RABL2B: variants seen among roughly 807,000 people sequenced by gnomAD.
RABL2B encodes the protein rab-like protein 2B.
Under a neutral mutation model 26.7 loss-of-function variants are expected in RABL2B, and 17 were observed. The observed-to-expected ratio is 0.64, with a 90% confidence interval of 0.44 to 0.95. The LOEUF is 0.95. Among genes scored for constraint, RABL2B ranks in the 40% least tolerant of loss-of-function variants. RABL2B has a pLI of 0.00. For synonymous variants in RABL2B, 70 were observed against 103.9 expected, an observed-to-expected ratio of 0.67 and a Z score of 1.99; for missense variants, 170 against 277.2, an observed-to-expected ratio of 0.61 and a Z score of 2.75.
At position 50,768,666 on chromosome 22, in the gene RABL2B, G is replaced by A; in HGVS notation, c.*110C>T. On this transcript the variant is annotated 3_prime_UTR_variant, in exon 9 of 9. Transcript: ENST00000691320. ...GGGAGGCTAATAGGATGGGTGGGTT[G>A]CAGGAGGTAGAAGAGGGGATGGCCT... 1 of 1,491,594 alleles carries A rather than the reference G, an allele frequency of 6.7e-7. No homozygotes were observed. Among genetic ancestry groups the A allele is most frequent in the Non-Finnish European group, 9.0e-7 (1 of 1,116,788 alleles). 92.4% of individuals were successfully genotyped at this position (1,491,594 alleles called of 1,614,324 possible). A position where few individuals can be genotyped will look rare whatever the true frequency, so the allele number is the denominator to read the frequency against.
chr22:50,777,994 C>T lies in RABL2B; in HGVS notation c.108-13G>A. 3 of 1,614,014 alleles carry T rather than the reference C, an allele frequency of 1.9e-6. No homozygotes were observed. The highest frequency in any genetic ancestry group is 1.3e-5 in the African/African-American group (1 of 74,956). ...TCTCTCCATGAGTCTGTAAGCAGAA[C>T]AGGCAAGGTGGTCAGATGGCGTCTC... On this transcript the variant is annotated splice_polypyrimidine_tract_variant and intron_variant, in intron 2 of 8. Transcript: ENST00000691320.
In RABL2B at chr22:50,767,692, C is replaced by T; in HGVS notation, c.*1084G>A. On this transcript the variant is annotated 3_prime_UTR_variant, in exon 9 of 9. Transcript: ENST00000691320. Reference sequence around the variant, plus strand: ...AGTCCTCAGCCTCCCACAGGAGGCACAAGGTCCAAACTATTCCTCAAAAAA... The same window carrying T: ...AGTCCTCAGCCTCCCACAGGAGGCATAAGGTCCAAACTATTCCTCAAAAAA... 2.2e-6 allele frequency: 1 copy of T among 450,852 alleles called. No homozygotes were observed. Among genetic ancestry groups the T allele is most frequent in the African/African-American group, 2.0e-5 (1 of 49,754 alleles). 27.9% of individuals were successfully genotyped at this position (450,852 alleles called of 1,614,324 possible). A position where few individuals can be genotyped will look rare whatever the true frequency, so the allele number is the denominator to read the frequency against.
At chr22:50,780,604 T>C (rs1217007103) in intron 2 of RABL2B, 3 of 458,280 alleles carry the variant, frequency 6.5e-6, no homozygotes, top group Admixed American at 2.5e-5. Context: ...AGTGTTCTCA[T>C]GCACTCACCT....
intron 7 of RABL2B, 72 bp downstream of exon 7, chr22:50,769,383 C>T: frequency 1.9e-6 from 3 of 1,611,754 alleles, no homozygotes; most frequent in Non-Finnish European, 2.5e-6. Flanking sequence ...CTGCAGTAAG[C>T]CCTTCTCTTC....
chr22:50,775,780 A>C lies in RABL2B; in HGVS notation c.289T>G (p.Cys97Gly). The change falls in exon 5 of 9, where the codon TGC becomes GGC. Residue 97 changes from cysteine (C) to glycine (G), a missense_variant. Transcript: ENST00000691320. ...HASYYHKAHA[C>G]IMVFDVQRKV... is the part of the protein sequence containing the mutation. ...TCCCCACCGTCTCGTACCATGATGC[A>C]GGCGTGGGCCTTGTGGTAGTAGGAG... The C allele has an allele frequency of 6.2e-7, 1 of 1,614,152 alleles. No homozygotes were observed. Among genetic ancestry groups the C allele is most frequent in the Non-Finnish European group, 8.5e-7 (1 of 1,180,018 alleles).
chr22:50,771,531 C>T (rs1555918644), intron 5 of RABL2B: 4 of 152,156 alleles, frequency 2.6e-5, no homozygotes, highest in Admixed American at 2.6e-4. Context: ...CCTGCCTAGG[C>T]CTCCCAAAGT....
At chr22:50,771,496 C>CA (rs1555918617) in intron 5 of RABL2B, 1 of 151,958 alleles carries the variant, frequency 6.6e-6, no homozygotes, top group Admixed American at 6.6e-5. Context: ...AGGCTGGTCT[C>CA]AAACTCTTGA....
chr22:50,782,184 A>G lies in RABL2B; in HGVS notation c.107+4T>C. Reference sequence around the variant, plus strand: ...GGTATTTATTCCCTAATCTCCCAACATACTTGGATTTGCCCACTGCGCTGT... The same window carrying G: ...GGTATTTATTCCCTAATCTCCCAACGTACTTGGATTTGCCCACTGCGCTGT... On this transcript the variant is annotated splice_donor_region_variant and intron_variant, in intron 2 of 8. Transcript: ENST00000691320. 1 of 1,512,062 alleles carries G rather than the reference A, an allele frequency of 6.6e-7. No homozygotes were observed. The highest frequency in any genetic ancestry group is 9.0e-7 in the Non-Finnish European group (1 of 1,107,424). 93.7% of individuals were successfully genotyped at this position (1,512,062 alleles called of 1,614,324 possible).
chr22:50,770,884 C>T (rs1175003899), intron 5 of RABL2B, among the ~76,000 whole-genome samples: 9 of 143,926 alleles, frequency 6.3e-5, no homozygotes, highest in South Asian at 4.3e-4. Context: ...CCAAGTAGCA[C>T]GCACGCATTA....
chr22:50,781,400 AAGAGAGAGAG>A (rs3044691), intron 2 of RABL2B, among the ~76,000 whole-genome samples: 2 of 141,824 alleles, frequency 1.4e-5, no homozygotes, highest in East Asian at 2.1e-4. Flanking sequence ...TGTGGTGGGG[AAGAGAGAGAG>A]AGAGAGAGAG....
intron 1 of RABL2B, 137 bp from the exon 2 acceptor site, chr22:50,782,484 T>C: frequency 7.1e-7 from 1 of 1,410,070 alleles, no homozygotes; most frequent in Non-Finnish European, 9.7e-7. Context: ...AGACTTGGAG[T>C]AGCAGAGTAT....
rs1303294415 is a variant in RABL2B, at chr22:50,767,677, C to T, written c.*1099G>A. Reference sequence around the variant, plus strand: ...TAGCTCTCCTCTTGCAGTCCTCAGCCTCCCACAGGAGGCACAAGGTCCAAA... The same window carrying T: ...TAGCTCTCCTCTTGCAGTCCTCAGCTTCCCACAGGAGGCACAAGGTCCAAA... On this transcript the variant is annotated 3_prime_UTR_variant, in exon 9 of 9. Coordinates refer to ENST00000691320, the MANE Select transcript of RABL2B (RefSeq NM_001130919.3). 6.8e-6 allele frequency: 3 copies of T among 443,590 alleles called. No individual in the cohort carries two copies. The highest frequency in any genetic ancestry group is 6.1e-5 in the African/African-American group (3 of 49,214). 27.5% of individuals were successfully genotyped at this position (443,590 alleles called of 1,614,324 possible).
At chr22:50,775,736 C>T (rs2084884894) in intron 5 of RABL2B, 36 bp downstream of exon 5, 1 of 1,613,442 alleles carries the variant, frequency 6.2e-7, no homozygotes, top group Non-Finnish European at 8.5e-7. Context: ...GCCAGACTTG[C>T]CCAGTGCCTT....
At position 50,775,763 on chromosome 22, in the gene RABL2B, G is replaced by A. The variant is rs782438097; in HGVS notation, c.297+9C>T. ...CAGTGCCTTTGTCCACCTCCCCACCGTCTCGTACCATGATGCAGGCGTGGG... is the reference window on the plus strand; with the variant it reads ...CAGTGCCTTTGTCCACCTCCCCACCATCTCGTACCATGATGCAGGCGTGGG... On this transcript the variant is annotated intron_variant, in intron 5 of 8. Coordinates refer to ENST00000691320, the MANE Select transcript of RABL2B (RefSeq NM_001130919.3). 37 of 1,613,926 alleles carry A rather than the reference G, an allele frequency of 2.3e-5. No individual in the cohort carries two copies. The highest frequency in any genetic ancestry group is 1.9e-4 in the African/African-American group (14 of 74,950).
intron 5 of RABL2B, 23 bp from the exon 6 acceptor site, chr22:50,770,039 G>T (rs782276810): frequency 1.2e-6 from 2 of 1,613,702 alleles, no homozygotes; most frequent in African/African-American, 2.7e-5. Context: ...GAGGAAGAAA[G>T]ATAGCTCAGG....
chr22:50,774,536 G>A (rs2084680912), intron 5 of RABL2B, among the ~76,000 whole-genome samples: 1 of 149,160 alleles, frequency 6.7e-6, no homozygotes, highest in Non-Finnish European at 1.5e-5. Flanking sequence ...GCCCCAGGCA[G>A]TTCCAGCCTG....
Position 50,782,214 on chromosome 22 carries a change from C to T in RABL2B, c.81G>A (p.Leu27=), listed in dbSNP as rs1555930139. 4 of 1,560,708 alleles carry T rather than the reference C, an allele frequency of 2.6e-6. No homozygotes were observed. Among genetic ancestry groups the T allele is most frequent in the East Asian group, 2.3e-5 (1 of 44,396 alleles). ...TGGATTTGCCCACTGCGCTGTCTCC[C>T]AGGCAGATGATCTTCACGTTGTCAT... is the stretch of plus-strand genomic sequence containing the variant. ...DADDNVKIIC[L]GDSAVGKSKL... Residue 27 remains leucine, a synonymous_variant, in exon 2 of 9, where the codon CTG becomes CTA. Transcript: ENST00000691320.
chr22:50,767,767 T>G lies in RABL2B; in HGVS notation c.*1009A>C, dbSNP rs1374535748. The G allele has an allele frequency of 6.6e-6, 3 of 454,048 alleles. No individual in the cohort carries two copies. The highest frequency in any genetic ancestry group is 6.0e-5 in the African/African-American group (3 of 49,864). The allele number at this position is 454,048 out of a possible 1,614,324, so 28.1% of individuals were successfully genotyped here. A position where few individuals can be genotyped will look rare whatever the true frequency, so the allele number is the denominator to read the frequency against. ...TAGGAACTTTAAAGGAAGCTCTTCT[T>G]GTAGTCCAAATGGACGTACCTTGTG... is the stretch of plus-strand genomic sequence containing the variant. On this transcript the variant is annotated 3_prime_UTR_variant, in exon 9 of 9. Transcript: ENST00000691320.
rs2083761250 is a variant in RABL2B at position 50,769,095 on chromosome 22, C to T, written c.537G>A (p.Val179=). ...KLFNDAIRLA[V]SYKQNSQDFM... is the part of the protein sequence containing the mutation. ...AGTCCTGGGAGTTCTGTTTGTAAGA[C>T]ACAGCTAATCGAATTGCATCATTGA... Residue 179 remains valine (V), a synonymous_variant, in exon 8 of 9, where the codon GTG becomes GTA. Coordinates refer to ENST00000691320, the MANE Select transcript of RABL2B (RefSeq NM_001130919.3). 1 of 871,686 alleles carries T rather than the reference C, an allele frequency of 1.1e-6. No homozygotes were observed. Among genetic ancestry groups the T allele is most frequent in the Non-Finnish European group, 1.8e-6 (1 of 561,038 alleles). 54.0% of individuals were successfully genotyped at this position (871,686 alleles called of 1,614,324 possible). A position where few individuals can be genotyped will look rare whatever the true frequency, so the allele number is the denominator to read the frequency against.
Sources: allele counts gnomAD v4.1 joint callset (sites outside exome capture counted in the v4.1 genomes callset), GRCh38; gene constraint gnomAD v4.1.1; transcripts MANE v1.5; gene names NCBI Gene and HGNC (gene_info 2026-07-23, HGNC 2026-07-21).